CD6: variants seen among roughly 807,000 people sequenced by gnomAD.
CD6 encodes the protein T-cell differentiation antigen CD6.
CD6 carries 53 observed loss-of-function variants against 75.3 expected under a neutral mutation model. That is an observed-to-expected ratio of 0.70 (90% CI 0.56 to 0.88). The LOEUF (loss-of-function observed/expected upper bound fraction) is 0.88. CD6 is among the 40% of genes least tolerant of loss of function. The pLI, the probability that CD6 is intolerant of heterozygous loss-of-function variation, is 0.00. For missense variants in CD6, 770 were observed against 897.1 expected (o/e 0.86, Z 1.81); for synonymous variants, 359 against 381.5 (o/e 0.94, Z 0.69).
intron 1 of CD6, chr11:60,982,775 G>A (rs79761481): frequency 0.057 from 25,809 of 455,752 alleles, 1,194 homozygotes; most frequent in African/African-American, 0.17. Flanking sequence ...AGCGAGGTGC[G>A]AAGTGGGGAA....
Position 61,013,564 on chromosome 11 carries a change from G to GT in CD6, c.1291+2dup. On this transcript the variant is annotated splice_donor_variant, in intron 7 of 12. Transcript: ENST00000313421. LOFTEE classifies it high-confidence loss of function. ...CTCTTGAGAATTAAAGGAAAATATG[G>GT]TAAGTGCAAGGTTCTGGGAGCCATG... is the stretch of plus-strand genomic sequence containing the variant. The GT allele has an allele frequency of 1.2e-6, 2 of 1,614,080 alleles. No homozygotes were observed. The highest frequency in any genetic ancestry group is 1.7e-6 in the Non-Finnish European group (2 of 1,179,988).
intron 1 of CD6, among the ~76,000 whole-genome samples, chr11:60,972,134 A>C (rs1445936773): frequency 6.6e-6 from 1 of 152,146 alleles, no homozygotes; most frequent in Non-Finnish European, 1.5e-5. Context: ...GAGTGACAGA[A>C]TGTGGGAAGC....
chr11:61,015,539 C>T (rs1045490471), intron 8 of CD6, 174 bp from the exon 9 acceptor site: 4 of 728,916 alleles, frequency 5.5e-6, no homozygotes, highest in Admixed American at 2.6e-5. Context: ...CCACTGTACT[C>T]CAGCCTGGAC....
At chr11:61,014,077 G>A (rs1003735379) in intron 8 of CD6, 63 bp downstream of exon 8, 2 of 1,263,426 alleles carry the variant, frequency 1.6e-6, no homozygotes, top group Non-Finnish European at 2.3e-6. Context: ...GAGCTTTCTG[G>A]AAGGTCAGCA....
chr11:61,015,081 G>A (rs1156429571), intron 8 of CD6, among the ~76,000 whole-genome samples: 1 of 152,134 alleles, frequency 6.6e-6, no homozygotes, highest in African/African-American at 2.4e-5. Context: ...TCCCTCCAAG[G>A]CAAAATGGGG....
At chr11:61,006,691 G>A in intron 2 of CD6, 49 bp downstream of exon 2, 1 of 1,453,460 alleles carries the variant, frequency 6.9e-7, no homozygotes, top group Non-Finnish European at 9.5e-7. Context: ...TCTGTAGGTG[G>A]TCCCCCAGGG....
rs750176039 is a variant in CD6, at chr11:61,015,825, C to T, written c.1500C>T (p.Thr500=). ...GCGCCCAGCCTCCTGTGGCCCTGAC[C>T]ACCTTCTACAGTGAGTGCCTGGCCG... ...DFSAQPPVAL[T]TFYNSQRHRV... Residue 500 remains threonine (T), a synonymous_variant, in exon 9 of 13, where the codon ACC becomes ACT. Transcript: ENST00000313421. 60 of 1,614,152 alleles carry T rather than the reference C, an allele frequency of 3.7e-5. No homozygotes were observed. The South Asian group carries it at 6.4e-4, about 17-fold the overall frequency.
intron 1 of CD6, among the ~76,000 whole-genome samples, chr11:60,984,404 T>C (rs1224108154): frequency 6.6e-6 from 1 of 152,212 alleles, no homozygotes; most frequent in Non-Finnish European, 1.5e-5. Flanking sequence ...CCCTTTCCAC[T>C]GTGCCTCTGG....
chr11:60,991,141 T>C (rs577304662), intron 1 of CD6, among the ~76,000 whole-genome samples: 1,378 of 125,660 alleles, frequency 0.011, 20 homozygotes, highest in African/African-American at 0.041. Flanking sequence ...TTTCTTTTCT[T>C]TTTCTTTCTT....
In CD6 at chr11:61,014,020, A is replaced by T; in HGVS notation, c.1387+6A>T. The T allele has an allele frequency of 6.2e-7, 1 of 1,607,104 alleles. No homozygotes were observed. Among genetic ancestry groups the T allele is most frequent in the Non-Finnish European group, 8.5e-7 (1 of 1,175,376 alleles). On this transcript the variant is annotated splice_donor_region_variant and intron_variant, in intron 8 of 12. Coordinates refer to ENST00000313421, the MANE Select transcript of CD6 (RefSeq NM_006725.5). Reference sequence around the variant, plus strand: ...CATCACCATCCCCAAAGAAGGTAGGATGTCCCCCATCCTGGGTGTGGGAGG... The same window carrying T: ...CATCACCATCCCCAAAGAAGGTAGGTTGTCCCCCATCCTGGGTGTGGGAGG...
At chr11:61,010,086 T>C (rs1346627502) in intron 5 of CD6, among the ~76,000 whole-genome samples, 4 of 152,204 alleles carry the variant, frequency 2.6e-5, no homozygotes, top group Non-Finnish European at 4.4e-5. Context: ...GAATGATGAA[T>C]CATATATGAA....
chr11:60,971,804 C>T lies in CD6; in HGVS notation c.-62C>T, dbSNP rs1857192342. On this transcript the variant is annotated 5_prime_UTR_variant, in exon 1 of 13. Transcript: ENST00000313421. ...GGCGCACAACGGCCGTGTCCACCTC[C>T]CGGCCCCAAGATGGTGCTTCCCACA... 5.1e-6 allele frequency: 8 copies of T among 1,559,378 alleles called. No homozygotes were observed. The Middle Eastern group carries it at 1.2e-3, about 228-fold the overall frequency.
chr11:60,982,630 A>C (rs1215823379), intron 1 of CD6: 8 of 456,054 alleles, frequency 1.8e-5, no homozygotes, highest in Non-Finnish European at 3.1e-5. Context: ...TAAAGGATGC[A>C]CAGTTGCCAA....
Position 61,009,560 on chromosome 11 carries a change from C to T in CD6, c.782-12C>T. 2 of 1,584,368 alleles carry T rather than the reference C, an allele frequency of 1.3e-6. No individual in the cohort carries two copies. Among genetic ancestry groups the T allele is most frequent in the East Asian group, 2.2e-5 (1 of 44,446 alleles). On this transcript the variant is annotated splice_polypyrimidine_tract_variant and intron_variant, in intron 4 of 12. Transcript: ENST00000313421. ...TTCTGACCTGACTCTGTCCCCTGCC[C>T]CTTCCCTGCAGAGCACCAGTCCTGG...
intron 1 of CD6, among the ~76,000 whole-genome samples, chr11:60,994,137 A>G (rs1428226287): frequency 6.6e-6 from 1 of 152,102 alleles, no homozygotes; most frequent in Non-Finnish European, 1.5e-5. Flanking sequence ...GGGCAAAAGA[A>G]AGGTAAAAAG....
At position 61,007,798 on chromosome 11, in the gene CD6, C is replaced by T. The variant is rs1485700063; in HGVS notation, c.357C>T (p.Ala119=). The change falls in exon 3 of 13, where the codon GCC becomes GCT. Residue 119 remains alanine (A), a synonymous_variant. Transcript: ENST00000313421. The surrounding 1 kb of genome is among the most constrained non-coding windows in gnomAD (Gnocchi z 4.2). ...AAGNTSVAAN[A]TLAGAPALLC... is the part of the protein sequence containing the mutation. The stretch of plus-strand genomic sequence containing the variant: ...GGAACACCAGCGTAGCAGCTAATGC[C>T]ACTCTGGCCGGGGCGCCCGCCCTCC... 2.4e-5 allele frequency: 35 copies of T among 1,476,238 alleles called. 1 individual carries two copies. The highest frequency in any genetic ancestry group is 3.1e-5 in the Non-Finnish European group (35 of 1,116,996). The allele number at this position is 1,476,238 out of a possible 1,614,324, so 91.4% of individuals were successfully genotyped here. A position where few individuals can be genotyped will look rare whatever the true frequency, so the allele number is the denominator to read the frequency against.
In CD6 at chr11:61,019,513, C is replaced by T. The variant is rs114999174; in HGVS notation, c.*195C>T. On this transcript the variant is annotated 3_prime_UTR_variant, in exon 13 of 13. Transcript: ENST00000313421. ...TCAAGCCAAACCTGCTGCCACAGCC[C>T]TCCCCCGGCCCCAGATAGCAGCCCC... 2.8e-3 allele frequency: 1,243 copies of T among 450,570 alleles called. 16 individuals are homozygous for T. The highest frequency in any genetic ancestry group is 0.023 in the African/African-American group (1,158 of 50,524). The allele number at this position is 450,570 out of a possible 1,614,324, so 27.9% of individuals were successfully genotyped here.
In CD6 at chr11:61,007,902, C is replaced by T; in HGVS notation, c.461C>T (p.Thr154Ile). ...CRSDGRRARV[T>I]CAENRALRLV... ...AGCGACGGGAGGCGGGCCCGTGTCA[C>T]CTGTGCAGGTACGAGCGCACCCCCT... The change falls in exon 3 of 13, where the codon ACC becomes ATC. Residue 154 changes from threonine to isoleucine, a missense_variant. By Grantham distance (89) the Thr-to-Ile change is moderately conservative. Transcript: ENST00000313421. This position sits in a 1 kb window ranked among gnomAD's most constrained non-coding sequence, Gnocchi z 4.2. The T allele has an allele frequency of 1.5e-6, 2 of 1,360,648 alleles. No homozygotes were observed. The highest frequency in any genetic ancestry group is 1.9e-6 in the Non-Finnish European group (2 of 1,061,398). 84.3% of individuals were successfully genotyped at this position (1,360,648 alleles called of 1,614,324 possible).
At chr11:60,978,664 C>A (rs1416622663) in intron 1 of CD6, among the ~76,000 whole-genome samples, 1 of 152,194 alleles carries the variant, frequency 6.6e-6, no homozygotes, top group Non-Finnish European at 1.5e-5. Flanking sequence ...CTGTACGCAG[C>A]AGAGACCCAG....
Sources: gnomAD v4.1 joint callset for allele counts (sites outside exome capture counted in the v4.1 genomes callset) on GRCh38, gnomAD v4.1.1 for gene constraint, Gnocchi (gnomAD v3.1) non-coding constraint, MANE v1.5 for transcripts, NCBI Gene and HGNC (gene_info 2026-07-23, HGNC 2026-07-21) for gene names.